Variants in CEP112 observed in about 807,000 individuals in gnomAD.
CEP112 encodes centrosomal protein 112.
CEP112 carries 127 observed loss-of-function variants against 153.0 expected under a neutral mutation model. That is an observed-to-expected ratio of 0.83 (90% CI 0.72 to 0.96). The LOEUF is 0.96. CEP112 is among the 40% of genes least tolerant of loss of function. The probability of loss-of-function intolerance (pLI) is 0.00; values close to 1 mark genes in which losing one functional copy is unlikely to be tolerated. For missense variants in CEP112, 1,089 were observed against 1,101.2 expected (o/e 0.99, Z 0.16); for synonymous variants, 358 against 374.4 (o/e 0.96, Z 0.51).
chr17:65,873,001 A>C (rs750562218), intron 20 of CEP112: 38 of 152,120 alleles, frequency 2.5e-4, no homozygotes, highest in Admixed American at 5.2e-4. Context: ...GAGGTACATA[A>C]TTTACGAGAT....
chr17:66,058,362 C>G (rs1215043838), intron 11 of CEP112, among the ~76,000 whole-genome samples: 1 of 151,708 alleles, frequency 6.6e-6, no homozygotes, highest in Non-Finnish European at 1.5e-5. Flanking sequence ...AAGATAAAAC[C>G]AAAATGTGAG....
At chr17:65,883,228 C>T (rs1463675675) in intron 20 of CEP112, among the ~76,000 whole-genome samples, 1 of 151,374 alleles carries the variant, frequency 6.6e-6, no homozygotes, top group Non-Finnish European at 1.5e-5. Context: ...TAGGTCAGAT[C>T]ATACAAGGTA....
At chr17:65,851,703 G>C (rs776668982) in intron 21 of CEP112, 101 bp downstream of exon 21, 14 of 809,208 alleles carry the variant, frequency 1.7e-5, no homozygotes, top group Non-Finnish European at 2.6e-5. Context: ...AAAGAGTAAT[G>C]CCATGTCTAC....
At chr17:65,963,624 A>G (rs2062295725) in intron 17 of CEP112, among the ~76,000 whole-genome samples, 1 of 152,070 alleles carries the variant, frequency 6.6e-6, no homozygotes, top group African/African-American at 2.4e-5. Flanking sequence ...CAATGAGGTT[A>G]TCAACAATAT....
At chr17:65,703,631 G>A (rs771626105) in intron 23 of CEP112, among the ~76,000 whole-genome samples, 6 of 149,200 alleles carry the variant, frequency 4.0e-5, no homozygotes, top group Admixed American at 6.7e-5. Flanking sequence ...CAGCCTCTAC[G>A]TTTTGCCACC....
At chr17:65,960,753 T>C (rs2062169048) in intron 18 of CEP112, among the ~76,000 whole-genome samples, 1 of 152,314 alleles carries the variant, frequency 6.6e-6, no homozygotes, top group South Asian at 2.1e-4. Context: ...GTTGAATCTG[T>C]GGAGGCAGAA....
intron 17 of CEP112, among the ~76,000 whole-genome samples, chr17:65,996,581 G>A (rs903680390): frequency 5.9e-5 from 9 of 152,208 alleles, no homozygotes; most frequent in African/African-American, 1.4e-4. Flanking sequence ...TCTCCATCAC[G>A]GGCTCACCAC....
At chr17:65,971,368 G>T (rs576181588) in intron 17 of CEP112, among the ~76,000 whole-genome samples, 85 of 119,598 alleles carry the variant, frequency 7.1e-4, no homozygotes, top group African/African-American at 2.4e-3. Context: ...CATGTATATC[G>T]CATGTATGTA....
At chr17:65,781,319 C>T (rs1219491103) in intron 21 of CEP112, among the ~76,000 whole-genome samples, 1 of 152,044 alleles carries the variant, frequency 6.6e-6, no homozygotes, top group Non-Finnish European at 1.5e-5. Flanking sequence ...AGGAGAATTA[C>T]AAACATTGCT....
chr17:65,981,785 G>A (rs1244594367), intron 17 of CEP112, among the ~76,000 whole-genome samples: 1 of 152,116 alleles, frequency 6.6e-6, no homozygotes, highest in Admixed American at 6.5e-5. Context: ...ATATTGTCCA[G>A]GCTGGTCTCG....
chr17:65,771,463 T>C (rs1305037184), intron 21 of CEP112, among the ~76,000 whole-genome samples: 1 of 152,170 alleles, frequency 6.6e-6, no homozygotes, highest in Non-Finnish European at 1.5e-5. Flanking sequence ...TCAAAACTCC[T>C]TTCACAGGAA....
At position 65,851,855 on chromosome 17, in the gene CEP112, T is replaced by C; in HGVS notation, c.2343A>G (p.Lys781=). 1 of 1,614,190 alleles carries C rather than the reference T, an allele frequency of 6.2e-7. No homozygotes were observed. Residue 781 remains lysine, a synonymous_variant, in exon 21 of 27, where the codon AAA becomes AAG. Transcript: ENST00000535342. ...NKLKAESEKM[K]IELKKTHAAE... Reference sequence around the variant, plus strand: ...CAGCATGAGTCTTTTTCAGCTCTATTTTCATCTTTTCTGATTCAGCCTTCA... The same window carrying C: ...CAGCATGAGTCTTTTTCAGCTCTATCTTCATCTTTTCTGATTCAGCCTTCA...
intron 21 of CEP112, among the ~76,000 whole-genome samples, chr17:65,843,677 C>A (rs1454211304): frequency 2.6e-5 from 4 of 152,074 alleles, no homozygotes; most frequent in Non-Finnish European, 4.4e-5. Context: ...TGATTTCAGG[C>A]TGGCAGAATT....
In CEP112 at chr17:65,648,019, TTTA is replaced by T. The variant is rs542782949; in HGVS notation, c.2698-6957_2698-6955del. ...TCAAAATTTTTACTCATACATGTAT[TTTA>T]TTATTATATTTGAATATTAAATTCA... is the stretch of plus-strand genomic sequence containing the variant. On this transcript the variant is annotated intron_variant, in intron 24 of 26. Transcript: ENST00000535342. Among the ~76,000 whole-genome samples, 44 of 152,274 alleles carry T rather than the reference TTTA, an allele frequency of 2.9e-4. No individual in the cohort carries two copies. The East Asian group carries it at 7.3e-3, about 25-fold the overall frequency.
chr17:65,722,812 G>GA (rs2144875256), intron 23 of CEP112, among the ~76,000 whole-genome samples: 1 of 152,256 alleles, frequency 6.6e-6, no homozygotes, highest in East Asian at 1.9e-4. Context: ...AACCTAGCTA[G>GA]AAAAAATGGG....
chr17:65,747,841 A>C (rs1200591556), intron 22 of CEP112, among the ~76,000 whole-genome samples: 1 of 152,214 alleles, frequency 6.6e-6, no homozygotes, highest in African/African-American at 2.4e-5. Flanking sequence ...ATGAAAAGTA[A>C]GCAGCTTCCT....
At chr17:65,861,524 T>C (rs148376534) in intron 20 of CEP112, among the ~76,000 whole-genome samples, 27 of 152,184 alleles carry the variant, frequency 1.8e-4, no homozygotes, top group Non-Finnish European at 3.2e-4. Context: ...AAGAATATTA[T>C]CCAGAATGCC....
intron 18 of CEP112, among the ~76,000 whole-genome samples, chr17:65,954,057 G>T (rs1019207325): frequency 1.3e-5 from 2 of 152,080 alleles, no homozygotes; most frequent in Non-Finnish European, 2.9e-5. Flanking sequence ...CAAAACCAGC[G>T]CACTAAACAA....
chr17:66,047,433 AC>A (rs1349953861), intron 12 of CEP112, among the ~76,000 whole-genome samples: 2 of 152,230 alleles, frequency 1.3e-5, no homozygotes, highest in African/African-American at 4.8e-5. Flanking sequence ...TAATTAAAAC[AC>A]CCATCTTTGG....
Sources: gnomAD v4.1 joint callset for allele counts (sites outside exome capture counted in the v4.1 genomes callset) on GRCh38, gnomAD v4.1.1 for gene constraint, MANE v1.5 for transcripts, NCBI Gene and HGNC (gene_info 2026-07-23, HGNC 2026-07-21) for gene names.